Variants in GALNT12 observed in about 807,000 individuals in gnomAD.
The protein encoded by GALNT12 is polypeptide N-acetylgalactosaminyltransferase 12, also known as UDP-GalNAc:polypeptide N-acetylgalactosaminyltransferase 12.
A neutral mutation model predicts 55.5 loss-of-function variants in GALNT12; 45 were observed. The observed-to-expected ratio is 0.81, with a 90% CI of 0.64 to 1.04. GALNT12 has a LOEUF of 1.04. GALNT12 is among the 50% of genes least tolerant of loss of function. The pLI, the probability that GALNT12 is intolerant of heterozygous loss-of-function variation, is 0.00. For synonymous variants in GALNT12, 304 were observed against 312.2 expected (o/e 0.97, Z 0.28); for missense variants, 709 against 754.8 (o/e 0.94, Z 0.71).
At chr9:98,818,562 A>G (rs1835667303) in intron 1 of GALNT12, among the ~76,000 whole-genome samples, 1 of 151,426 alleles carries the variant, frequency 6.6e-6, no homozygotes, top group Non-Finnish European at 1.5e-5. Context: ...TTTCCTTCCT[A>G]ATCTAGTATC....
In GALNT12 at chr9:98,807,800, C is replaced by A. The variant is rs1242661951; in HGVS notation, c.102C>A (p.Gly34=). 1 of 1,093,432 alleles carries A rather than the reference C, an allele frequency of 9.1e-7. No individual in the cohort carries two copies. The allele number at this position is 1,093,432 out of a possible 1,614,324, so 67.7% of individuals were successfully genotyped here. Residue 34 remains glycine (G), a synonymous_variant, in exon 1 of 10, where the codon GGC becomes GGA. Transcript: ENST00000375011. The part of the protein sequence containing the change: ...LLALLALAGL[G]SVLRAQRGAG... Reference sequence around the variant, plus strand: ...CGCTACTGGCGTTGGCCGGGCTGGGCTCGGTGCTGCGGGCGCAGCGTGGGG... The same window carrying A: ...CGCTACTGGCGTTGGCCGGGCTGGGATCGGTGCTGCGGGCGCAGCGTGGGG...
chr9:98,831,939 C>T lies in GALNT12; in HGVS notation c.899C>T (p.Ser300Phe), dbSNP rs777263033. The T allele has an allele frequency of 3.0e-5, 49 of 1,613,920 alleles. No individual in the cohort carries two copies. The highest frequency in any genetic ancestry group is 4.0e-5 in the Non-Finnish European group (47 of 1,179,920). Residue 300 changes from serine (S) to phenylalanine (F), a missense_variant, in exon 4 of 10, where the codon TCC (serine) becomes TTC (phenylalanine). Physicochemically the swap from Ser to Phe is radical, Grantham distance 155. Transcript: ENST00000375011. ...VPERERIRMQ[S>F]PVDVIRSPTM... ...GAGAGGGAGAGGATACGGATGCAAT[C>T]CCCCGTCGATGTCATCAGGTCAGGA...
In GALNT12 at chr9:98,808,055, G is replaced by T; in HGVS notation, c.357G>T (p.Glu119Asp). The change falls in exon 1 of 10, where the codon GAG (glutamate) becomes GAT (aspartate). Residue 119 changes from glutamate to aspartate, a missense_variant. This residue lies in a region of GALNT12 where 315 missense variants were observed against 288.6 expected (regional missense o/e 1.09). Coordinates refer to ENST00000375011, the MANE Select transcript of GALNT12 (RefSeq NM_024642.5). ...DRISLHRRLP[E>D]RWNPLCKEKK... Reference sequence around the variant, plus strand: ...TCTCACTGCACCGCCGCCTGCCCGAGCGCTGGAACCCGCTGTGAGTGCACA... The same window carrying T: ...TCTCACTGCACCGCCGCCTGCCCGATCGCTGGAACCCGCTGTGAGTGCACA... The T allele has an allele frequency of 1.3e-6, 2 of 1,580,646 alleles. No individual in the cohort carries two copies.
chr9:98,822,756 G>T (rs1481672194), intron 1 of GALNT12, among the ~76,000 whole-genome samples: 1 of 152,148 alleles, frequency 6.6e-6, no homozygotes, highest in African/African-American at 2.4e-5. Context: ...ATGGAGGTGG[G>T]CCGGGTGCTG....
At chr9:98,834,380 CAA>C (rs1433329476) in intron 4 of GALNT12, among the ~76,000 whole-genome samples, 5 of 152,240 alleles carry the variant, frequency 3.3e-5, no homozygotes, top group Non-Finnish European at 5.9e-5. Flanking sequence ...CTCAGCCTCC[CAA>C]AGTGCTGGGA....
chr9:98,816,813 G>A (rs1835622146), intron 1 of GALNT12, among the ~76,000 whole-genome samples: 1 of 128,782 alleles, frequency 7.8e-6, no homozygotes, highest in Non-Finnish European at 1.6e-5. Context: ...ACCATGTCCA[G>A]CTAATTTTTT....
intron 4 of GALNT12, among the ~76,000 whole-genome samples, chr9:98,832,754 C>G (rs138480510): frequency 1.3e-5 from 2 of 152,256 alleles, no homozygotes; most frequent in African/African-American, 4.8e-5. Flanking sequence ...TTGTACTTGG[C>G]TTCTTTGACT....
At position 98,827,057 on chromosome 9, in the gene GALNT12, C is replaced by G. The variant is rs555946716; in HGVS notation, c.731+116C>G. ...GGGTTGCCTGGGCTCAGCTGCTTCTCTGTCACTGGGCAGGAGAGCAGTCCC... is the reference window on the plus strand; with the variant it reads ...GGGTTGCCTGGGCTCAGCTGCTTCTGTGTCACTGGGCAGGAGAGCAGTCCC... On this transcript the variant is annotated intron_variant, in intron 3 of 9. Coordinates refer to ENST00000375011, the MANE Select transcript of GALNT12 (RefSeq NM_024642.5). 11 of 1,086,166 alleles carry G rather than the reference C, an allele frequency of 1.0e-5. No individual in the cohort carries two copies. In the South Asian group the frequency reaches 1.5e-4, roughly 15 times the overall value. 67.3% of individuals were successfully genotyped at this position (1,086,166 alleles called of 1,614,324 possible).
At chr9:98,810,915 A>T (rs1281363916) in intron 1 of GALNT12, among the ~76,000 whole-genome samples, 1 of 152,210 alleles carries the variant, frequency 6.6e-6, no homozygotes, top group African/African-American at 2.4e-5. Flanking sequence ...TATAGTAAGT[A>T]AGTCAGTAAG....
intron 2 of GALNT12, 48 bp from the exon 3 acceptor site, chr9:98,826,704 C>T (rs1425229692): frequency 1.3e-6 from 2 of 1,576,678 alleles, no homozygotes; most frequent in Non-Finnish European, 1.7e-6. Context: ...ATGAGGCGCT[C>T]CTCCGAGATT....
intron 4 of GALNT12, among the ~76,000 whole-genome samples, chr9:98,834,281 G>A (rs1318731084): frequency 6.6e-6 from 1 of 152,124 alleles, no homozygotes; most frequent in Non-Finnish European, 1.5e-5. Context: ...ACCACACCCA[G>A]CTAATTTTTG....
intron 3 of GALNT12, among the ~76,000 whole-genome samples, chr9:98,829,413 TC>T (rs1323052562): frequency 6.6e-6 from 1 of 151,504 alleles, no homozygotes; most frequent in African/African-American, 2.4e-5. Context: ...GGTGTAAAAC[TC>T]CTGACCTCAA....
intron 3 of GALNT12, among the ~76,000 whole-genome samples, chr9:98,827,336 G>C (rs1366318145): frequency 6.6e-6 from 1 of 151,968 alleles, no homozygotes; most frequent in African/African-American, 2.4e-5. Context: ...GAGTAGCTGG[G>C]ATTACAGGCA....
At chr9:98,830,134 A>G (rs1835958499) in intron 3 of GALNT12, among the ~76,000 whole-genome samples, 1 of 152,182 alleles carries the variant, frequency 6.6e-6, no homozygotes, top group Non-Finnish European at 1.5e-5. Context: ...TAAACACACC[A>G]ATGCCTGGTC....
chr9:98,832,036 G>C (rs1003179544), intron 4 of GALNT12, 79 bp downstream of exon 4: 4 of 1,246,042 alleles, frequency 3.2e-6, no homozygotes, highest in Admixed American at 3.9e-5. Flanking sequence ...GGAGGCCCTC[G>C]GGAGGAATGG....
At chr9:98,848,815 G>GCGTTACAC in intron 9 of GALNT12, 137 bp from the exon 10 acceptor site, 2 of 1,004,694 alleles carry the variant, frequency 2.0e-6, no homozygotes, top group South Asian at 2.8e-5. Flanking sequence ...CTGAGTTGCT[G>GCGTTACAC]CGTTACACGG....
At chr9:98,828,590 C>T (rs897501985) in intron 3 of GALNT12, among the ~76,000 whole-genome samples, 4 of 152,228 alleles carry the variant, frequency 2.6e-5, no homozygotes, top group Non-Finnish European at 5.9e-5. Context: ...CGCCTCCTTG[C>T]TGCATGCCTG....
chr9:98,842,706 C>T (rs540711695), intron 7 of GALNT12, among the ~76,000 whole-genome samples: 93 of 152,108 alleles, frequency 6.1e-4, no homozygotes, highest in Admixed American at 1.1e-3. Context: ...TGGATGCTGG[C>T]GGTGCCCGTT....
rs756614355 is a variant in GALNT12, at chr9:98,835,348, C to T, written c.1017C>T (p.Asn339=). 1 of 1,604,450 alleles carries T rather than the reference C, an allele frequency of 6.2e-7. No homozygotes were observed. The highest frequency in any genetic ancestry group is 2.2e-5 in the East Asian group (1 of 44,834). Reference sequence around the variant, plus strand: ...GAATGGAAGTTTGGGGAGGAGAAAACCTCGAATTTTCCTTTAGGGTAAGTA... The same window carrying T: ...GAATGGAAGTTTGGGGAGGAGAAAATCTCGAATTTTCCTTTAGGGTAAGTA... The part of the protein sequence containing the change: ...DTGMEVWGGE[N]LEFSFRIWQC... The change falls in exon 5 of 10, where the codon AAC becomes AAT. Residue 339 remains asparagine, a synonymous_variant. Coordinates refer to ENST00000375011, the MANE Select transcript of GALNT12 (RefSeq NM_024642.5).
Sources: gnomAD v4.1 joint callset for allele counts (sites outside exome capture counted in the v4.1 genomes callset) on GRCh38, gnomAD v4.1.1 for gene constraint, gnomAD v4.1.1 regional missense constraint, MANE v1.5 for transcripts, NCBI Gene and HGNC (gene_info 2026-07-23, HGNC 2026-07-21) for gene names.